Variants in MBD5 observed in about 807,000 individuals in gnomAD.
The protein encoded by MBD5 is methyl-CpG-binding domain protein 5.
In MBD5, 13 loss-of-function variants were observed where a neutral mutation model predicts 117.3. The observed-to-expected ratio is 0.11, with a 90% CI of 0.07 to 0.18. The LOEUF (loss-of-function observed/expected upper bound fraction) is 0.18, where lower values mean the gene tolerates loss of function less well. Ranked by LOEUF, MBD5 falls within the 10% of genes least tolerant of loss-of-function variation. The pLI is 1.00. For synonymous variants in MBD5, 727 were observed against 766.4 expected (o/e 0.95, Z 0.85); for missense variants, 1,879 against 2,093.8 (o/e 0.90, Z 2.00).
At chr2:148,128,647 A>G (rs1032318259) in intron 1 of MBD5, among the ~76,000 whole-genome samples, 6 of 152,346 alleles carry the variant, frequency 3.9e-5, no homozygotes, top group Admixed American at 3.3e-4. Flanking sequence ...GTAATCTCCA[A>G]CATGACTATA....
intron 4 of MBD5, among the ~76,000 whole-genome samples, chr2:148,388,636 C>G (rs1245819998): frequency 6.6e-6 from 1 of 152,132 alleles, no homozygotes; most frequent in Non-Finnish European, 1.5e-5. Flanking sequence ...GTTGGAAGTC[C>G]AGAATCAAGG....
intron 4 of MBD5, among the ~76,000 whole-genome samples, chr2:148,424,191 A>AAAAAAAAAC (rs1705702608): frequency 6.3e-5 from 5 of 78,852 alleles, no homozygotes. Flanking sequence ...AAAAAAAAAA[A>AAAAAAAAAC]AAAAAAAAAA....
chr2:148,237,806 C>G (rs1361353502), intron 3 of MBD5, among the ~76,000 whole-genome samples: 2 of 152,024 alleles, frequency 1.3e-5, no homozygotes, highest in Non-Finnish European at 2.9e-5. Flanking sequence ...TGAGGTATGC[C>G]TACATTTAAG....
chr2:148,189,384 T>C (rs1032768526), intron 2 of MBD5, among the ~76,000 whole-genome samples: 2 of 150,876 alleles, frequency 1.3e-5, no homozygotes, highest in African/African-American at 4.9e-5. Flanking sequence ...GAGCAGTGGT[T>C]CTCCCAGCAC....
intron 3 of MBD5, among the ~76,000 whole-genome samples, chr2:148,321,784 C>A (rs1702288365): frequency 6.6e-6 from 1 of 152,054 alleles, no homozygotes; most frequent in African/African-American, 2.4e-5. Context: ...GATGAAGTCT[C>A]ACTATGTTAC....
At chr2:148,507,725 A>G (rs1289119007) in intron 12 of MBD5, among the ~76,000 whole-genome samples, 1 of 149,962 alleles carries the variant, frequency 6.7e-6, no homozygotes, top group Admixed American at 6.7e-5. Context: ...GCGCCACTGC[A>G]CTCCAGCCTG....
chr2:148,106,015 G>A (rs1233807300), intron 1 of MBD5, among the ~76,000 whole-genome samples: 1 of 151,872 alleles, frequency 6.6e-6, no homozygotes, highest in African/African-American at 2.4e-5. Flanking sequence ...TCAATTATTT[G>A]AAAATTGTTC....
At chr2:148,133,518 G>C (rs1558939438) in intron 1 of MBD5, among the ~76,000 whole-genome samples, 1 of 152,092 alleles carries the variant, frequency 6.6e-6, no homozygotes, top group South Asian at 2.1e-4. Flanking sequence ...ATAGAAAATA[G>C]TATGTTTAAA....
At chr2:148,478,828 TC>T in intron 8 of MBD5, among the ~76,000 whole-genome samples, 1 of 152,202 alleles carries the variant, frequency 6.6e-6, no homozygotes, top group South Asian at 2.1e-4. Context: ...TGTTCCAGGA[TC>T]CCAGCTGCCT....
At chr2:148,432,722 C>G (rs539754223) in intron 4 of MBD5, among the ~76,000 whole-genome samples, 48 of 152,202 alleles carry the variant, frequency 3.2e-4, no homozygotes, top group African/African-American at 1.2e-3. Flanking sequence ...TTCCATTGGT[C>G]TATGTGTCTG....
In MBD5 at chr2:148,470,431, A is replaced by G. The variant is rs1373193413; in HGVS notation, c.2488A>G (p.Ser830Gly). 6.2e-7 allele frequency: 1 copy of G among 1,609,444 alleles called. No homozygotes were observed. The highest frequency in any genetic ancestry group is 1.7e-5 in the Admixed American group (1 of 59,804). ...TCCAGTGATACCAAACAGCATTGTT[A>G]GCAGCTATAATCAAACAAGTTCTGA... ...STPVIPNSIV[S>G]SYNQTSSEAG... is the part of the protein sequence containing the mutation. The change falls in exon 8 of 14, where the codon AGC becomes GGC. Residue 830 changes from serine to glycine, a missense_variant. Coordinates refer to ENST00000642680, the MANE Select transcript of MBD5 (RefSeq NM_001378120.1).
chr2:148,493,826 TAAAC>T (rs1423702770), intron 11 of MBD5, among the ~76,000 whole-genome samples: 1 of 152,196 alleles, frequency 6.6e-6, no homozygotes, highest in Non-Finnish European at 1.5e-5. Flanking sequence ...GAATACTGTA[TAAAC>T]ACAGTCTGCA....
chr2:148,098,497 C>T (rs192624560), intron 1 of MBD5, among the ~76,000 whole-genome samples: 2 of 152,180 alleles, frequency 1.3e-5, no homozygotes, highest in African/African-American at 4.8e-5. Flanking sequence ...CATGAGTTTG[C>T]ACAGGGGGAA....
At chr2:148,038,303 A>G (rs1392105565) in intron 1 of MBD5, among the ~76,000 whole-genome samples, 1 of 151,986 alleles carries the variant, frequency 6.6e-6, no homozygotes, top group Non-Finnish European at 1.5e-5. Context: ...TTTAGCATTT[A>G]CTAAATCTTT....
chr2:148,036,705 A>G (rs1274090719), intron 1 of MBD5, among the ~76,000 whole-genome samples: 1 of 152,054 alleles, frequency 6.6e-6, no homozygotes, highest in Non-Finnish European at 1.5e-5. Context: ...CTAGAAACTT[A>G]ACTGTCATTC....
chr2:148,171,810 C>T (rs1311977400), intron 1 of MBD5, among the ~76,000 whole-genome samples: 1 of 152,198 alleles, frequency 6.6e-6, no homozygotes, highest in East Asian at 1.9e-4. Context: ...AGAAGCGTTT[C>T]TATACACTTA....
Position 148,394,290 on chromosome 2 carries a change from A to G in MBD5, c.-557+51954A>G, listed in dbSNP as rs565426941. Among the ~76,000 whole-genome samples the G allele has an allele frequency of 1.4e-4, 22 of 152,258 alleles. 1 individual carries two copies. In the South Asian group the frequency reaches 3.3e-3, roughly 23 times the overall value. On this transcript the variant is annotated intron_variant, in intron 4 of 13. Coordinates refer to ENST00000642680, the MANE Select transcript of MBD5 (RefSeq NM_001378120.1). The stretch of plus-strand genomic sequence containing the variant: ...AATAAGAATTCACTATACCTTGAAA[A>G]TTTGGTAGAATCTACTAGTTATTTT...
At chr2:148,504,050 T>TC (rs1343426065) in intron 12 of MBD5, among the ~76,000 whole-genome samples, 1 of 152,218 alleles carries the variant, frequency 6.6e-6, no homozygotes, top group African/African-American at 2.4e-5. Flanking sequence ...AGCTGTATTT[T>TC]CCCCATGTAT....
intron 4 of MBD5, among the ~76,000 whole-genome samples, chr2:148,430,064 G>A (rs140616153): frequency 8.2e-4 from 125 of 152,082 alleles, no homozygotes; most frequent in African/African-American, 2.9e-3. Context: ...TTTTCTTATG[G>A]CATTTTATTT....
Sources: gnomAD v4.1 joint callset for allele counts (sites outside exome capture counted in the v4.1 genomes callset) on GRCh38, gnomAD v4.1.1 for gene constraint, MANE v1.5 for transcripts, NCBI Gene and HGNC (gene_info 2026-07-23, HGNC 2026-07-21) for gene names.